The following FBXO21 variants were observed in gnomAD, a reference collection of about 807,000 sequenced individuals.
The protein encoded by FBXO21 is F-box only protein 21.
A neutral mutation model predicts 76.6 loss-of-function variants in FBXO21; 32 were observed. That is an observed-to-expected ratio of 0.42 (90% CI 0.32 to 0.56). FBXO21 has a LOEUF of 0.56. FBXO21 is among the 20% of genes least tolerant of loss of function. The probability of loss-of-function intolerance (pLI) is 0.16; values close to 1 mark genes in which losing one functional copy is unlikely to be tolerated. For synonymous variants in FBXO21, 328 were observed against 311.5 expected (o/e 1.05, Z -0.56); for missense variants, 586 against 797.3 (o/e 0.73, Z 3.19).
rs1478024571 is a variant in FBXO21, at chr12:117,142,942, TG to T, written c.*3144del. On this transcript the variant is annotated 3_prime_UTR_variant, in exon 12 of 12. Coordinates refer to ENST00000622495, the MANE Select transcript of FBXO21 (RefSeq NM_015002.3). ...AAGTAGATAGTATGCAATGGAAAAC[TG>T]AGCCGGCAACAGTACTTAATGCTGG... 6.6e-6 allele frequency: 1 copy of T among 152,196 alleles called. No individual in the cohort carries two copies. Among genetic ancestry groups the T allele is most frequent in the African/African-American group, 2.4e-5 (1 of 41,438 alleles). The allele number at this position is 152,196 out of a possible 1,614,324, so 9.4% of individuals were successfully genotyped here.
At chr12:117,182,197 C>A (rs569752174) in intron 3 of FBXO21, among the ~76,000 whole-genome samples, 20 of 152,254 alleles carry the variant, frequency 1.3e-4, no homozygotes, top group African/African-American at 4.8e-4. Context: ...GGTATTCTAT[C>A]ATTTAAAAAC....
At chr12:117,157,564 T>G (rs1955930426) in intron 10 of FBXO21, among the ~76,000 whole-genome samples, 4 of 152,114 alleles carry the variant, frequency 2.6e-5, no homozygotes. Flanking sequence ...GAGAAAAAAC[T>G]CGTGTCTTAC....
chr12:117,178,036 T>C (rs1015065588), intron 3 of FBXO21, among the ~76,000 whole-genome samples: 3 of 152,208 alleles, frequency 2.0e-5, no homozygotes, highest in Non-Finnish European at 2.9e-5. Context: ...TCACATATTA[T>C]GAAAACTCCT....
chr12:117,146,816 G>GT (rs914646048), intron 11 of FBXO21, among the ~76,000 whole-genome samples: 3 of 152,188 alleles, frequency 2.0e-5, no homozygotes, highest in African/African-American at 7.2e-5. Context: ...CAGGGCTGCT[G>GT]TGAGACCGTG....
intron 11 of FBXO21, 43 bp downstream of exon 11, chr12:117,155,746 AAC>A (rs1217078374): frequency 2.5e-6 from 4 of 1,578,586 alleles, no homozygotes; most frequent in Admixed American, 3.7e-5. Flanking sequence ...GTGCGCTGAA[AAC>A]ACGCCCGCGG....
chr12:117,169,915 A>C (rs1426085883), intron 7 of FBXO21, among the ~76,000 whole-genome samples: 1 of 152,214 alleles, frequency 6.6e-6, no homozygotes, highest in African/African-American at 2.4e-5. Context: ...AGAGTAATGC[A>C]AGAGAAAGAA....
chr12:117,187,172 G>A (rs1479878564), intron 2 of FBXO21, among the ~76,000 whole-genome samples: 1 of 151,938 alleles, frequency 6.6e-6, no homozygotes, highest in Non-Finnish European at 1.5e-5. Flanking sequence ...TGTAATCCCA[G>A]CACTTCGGGA....
intron 3 of FBXO21, among the ~76,000 whole-genome samples, chr12:117,183,552 C>T (rs1956255836): frequency 6.6e-6 from 1 of 152,234 alleles, no homozygotes. Context: ...AGCCACTGCA[C>T]CCGGCCTATT....
intron 8 of FBXO21, among the ~76,000 whole-genome samples, chr12:117,166,001 C>T (rs1956049449): frequency 6.6e-6 from 1 of 152,128 alleles, no homozygotes; most frequent in Non-Finnish European, 1.5e-5. Flanking sequence ...ACCAGCCTGA[C>T]CAACATTGAG....
intron 11 of FBXO21, among the ~76,000 whole-genome samples, chr12:117,147,309 A>G (rs59592988): frequency 0.095 from 5,749 of 60,554 alleles, 117 homozygotes; most frequent in East Asian, 0.25. Context: ...AAAAAAAAAG[A>G]AAAAAAAAAG....
rs1360756149 is a variant in FBXO21, at chr12:117,190,166, G to A, written c.239+52C>T. On this transcript the variant is annotated intron_variant, in intron 1 of 11. Transcript: ENST00000622495. ...GCTAGCGGGGCGGCTGCCCGGCCCC[G>A]GGGGGCGCGGGGCGGTGGGCGCGCA... The A allele has an allele frequency of 1.2e-5, 13 of 1,060,884 alleles. No individual in the cohort carries two copies. The South Asian group carries it at 2.7e-4, about 22-fold the overall frequency. 65.7% of individuals were successfully genotyped at this position (1,060,884 alleles called of 1,614,324 possible). A position where few individuals can be genotyped will look rare whatever the true frequency, so the allele number is the denominator to read the frequency against.
chr12:117,167,183 C>G (rs1956063057), intron 7 of FBXO21, 106 bp from the exon 8 acceptor site: 1 of 836,452 alleles, frequency 1.2e-6, no homozygotes, highest in African/African-American at 1.7e-5. Context: ...CATAACATTT[C>G]TACTTACAAT....
intron 9 of FBXO21, among the ~76,000 whole-genome samples, chr12:117,163,288 T>G (rs1400221020): frequency 5.3e-5 from 8 of 152,196 alleles, no homozygotes; most frequent in Admixed American, 5.2e-4. Context: ...ATCCCAGCAC[T>G]TTGGGAGGCC....
At chr12:117,180,003 T>C (rs918700580) in intron 3 of FBXO21, among the ~76,000 whole-genome samples, 1 of 152,212 alleles carries the variant, frequency 6.6e-6, no homozygotes, top group Non-Finnish European at 1.5e-5. Context: ...ATTCGATGCA[T>C]TTCAATCCAT....
At chr12:117,175,012 A>G (rs1032358006) in intron 4 of FBXO21, among the ~76,000 whole-genome samples, 1 of 152,150 alleles carries the variant, frequency 6.6e-6, no homozygotes, top group Admixed American at 6.5e-5. Context: ...AAAAATACAT[A>G]AATCAAACTT....
intron 3 of FBXO21, among the ~76,000 whole-genome samples, chr12:117,184,620 G>A (rs1956265351): frequency 6.6e-6 from 1 of 152,148 alleles, no homozygotes; most frequent in South Asian, 2.1e-4. Flanking sequence ...GGGTGTGGTG[G>A]TGGGCACCTG....
chr12:117,176,726 T>C (rs7133234), intron 4 of FBXO21, among the ~76,000 whole-genome samples: 3,465 of 151,920 alleles, frequency 0.023, 149 homozygotes, highest in African/African-American at 0.079. Context: ...AGCACGGGAG[T>C]TTGAATCTAG....
At chr12:117,173,872 A>G (rs910106430) in intron 6 of FBXO21, among the ~76,000 whole-genome samples, 1 of 152,194 alleles carries the variant, frequency 6.6e-6, no homozygotes, top group Non-Finnish European at 1.5e-5. Context: ...GGATGGGCAC[A>G]GTGGCTCACA....
At chr12:117,146,992 CA>C (rs1480145729) in intron 11 of FBXO21, among the ~76,000 whole-genome samples, 3 of 152,092 alleles carry the variant, frequency 2.0e-5, no homozygotes, top group African/African-American at 7.2e-5. Flanking sequence ...CCTGTAATCC[CA>C]GCACTTTGGG....
Sources: gnomAD v4.1 joint callset for allele counts (sites outside exome capture counted in the v4.1 genomes callset) on GRCh38, gnomAD v4.1.1 for gene constraint, MANE v1.5 for transcripts, NCBI Gene and HGNC (gene_info 2026-07-23, HGNC 2026-07-21) for gene names.